CSMD1: variants seen among roughly 807,000 people sequenced by gnomAD.
CSMD1 encodes CUB and sushi domain-containing protein 1.
In CSMD1, 213 loss-of-function variants were observed where a neutral mutation model predicts 417.5. The ratio of observed to expected loss-of-function variants is 0.51; its 90% CI spans 0.46 to 0.57. The LOEUF (loss-of-function observed/expected upper bound fraction) is 0.57, where lower values mean the gene tolerates loss of function less well. Among genes scored for constraint, CSMD1 ranks in the 20% least tolerant of loss-of-function variants. CSMD1 has a pLI of 0.00. For missense variants in CSMD1, 6,923 were observed against 4,529.7 expected (o/e 1.53, Z -15.17); for synonymous variants, 2,862 against 1,736.8 (o/e 1.65, Z -16.11).
chr8:3,008,616 G>C (rs570217278), intron 52 of CSMD1, among the ~76,000 whole-genome samples: 17 of 152,140 alleles, frequency 1.1e-4, no homozygotes, highest in Non-Finnish European at 2.5e-4. Flanking sequence ...GGTTCCTTCA[G>C]AACTCCAGCA....
intron 41 of CSMD1, among the ~76,000 whole-genome samples, chr8:3,126,203 G>A (rs916746400): frequency 1.6e-4 from 24 of 152,102 alleles, no homozygotes; most frequent in African/African-American, 4.8e-4. Context: ...CTATACAAGG[G>A]CCACAGAATT....
intron 2 of CSMD1, among the ~76,000 whole-genome samples, chr8:4,493,738 A>G (rs1166226744): frequency 6.6e-6 from 1 of 152,124 alleles, no homozygotes; most frequent in Non-Finnish European, 1.5e-5. Context: ...CTAATAATTC[A>G]ACATTTAAAA....
chr8:3,505,105 C>T (rs941691729), intron 10 of CSMD1, among the ~76,000 whole-genome samples: 1 of 151,852 alleles, frequency 6.6e-6, no homozygotes, highest in African/African-American at 2.4e-5. Context: ...ATAAAGTAAC[C>T]CAAGCATCAC....
intron 10 of CSMD1, among the ~76,000 whole-genome samples, chr8:3,494,864 C>T (rs987373616): frequency 1.3e-5 from 2 of 152,048 alleles, no homozygotes; most frequent in East Asian, 3.9e-4. Context: ...GTATCAAATG[C>T]CTGTTTGTTA....
chr8:3,420,443 G>C (rs1813414715), intron 12 of CSMD1, among the ~76,000 whole-genome samples: 1 of 150,472 alleles, frequency 6.6e-6, no homozygotes, highest in Non-Finnish European at 1.5e-5. Context: ...AAAAAGCCAT[G>C]GAAATCTGAA....
At chr8:3,677,211 C>T (rs186946534) in intron 7 of CSMD1, among the ~76,000 whole-genome samples, 2 of 152,064 alleles carry the variant, frequency 1.3e-5, no homozygotes, top group African/African-American at 4.8e-5. Context: ...TAGAAATACA[C>T]ACAAGGAAAA....
At chr8:3,532,545 G>C (rs371199487) in intron 10 of CSMD1, among the ~76,000 whole-genome samples, 2 of 152,072 alleles carry the variant, frequency 1.3e-5, no homozygotes, top group Non-Finnish European at 2.9e-5. Flanking sequence ...CCTTATTTGA[G>C]AAATGGACGT....
intron 1 of CSMD1, among the ~76,000 whole-genome samples, chr8:4,711,677 A>T: frequency 6.6e-6 from 1 of 152,168 alleles, no homozygotes; most frequent in East Asian, 1.9e-4. Context: ...AATTTAAAAA[A>T]AAAATCCATT....
At chr8:4,515,689 G>C (rs1803078831) in intron 2 of CSMD1, among the ~76,000 whole-genome samples, 1 of 152,136 alleles carries the variant, frequency 6.6e-6, no homozygotes, top group South Asian at 2.1e-4. Context: ...AGCAAGATGA[G>C]GCTGTCCTGC....
chr8:3,139,539 A>T (rs908242030), intron 41 of CSMD1, among the ~76,000 whole-genome samples: 1 of 152,140 alleles, frequency 6.6e-6, no homozygotes, highest in African/African-American at 2.4e-5. Context: ...TCGATAGAAG[A>T]CCCCATCATG....
At chr8:3,089,287 G>A (rs1351887744) in intron 48 of CSMD1, among the ~76,000 whole-genome samples, 1 of 152,196 alleles carries the variant, frequency 6.6e-6, no homozygotes, top group South Asian at 2.1e-4. Context: ...TGGAATTTCG[G>A]TGTGAATGCC....
intron 5 of CSMD1, among the ~76,000 whole-genome samples, chr8:3,900,980 G>T (rs549359550): frequency 2.6e-5 from 4 of 152,304 alleles, no homozygotes; most frequent in African/African-American, 9.6e-5. Flanking sequence ...GAAACTTTAT[G>T]ATTTTTCATT....
intron 3 of CSMD1, among the ~76,000 whole-genome samples, chr8:4,268,491 T>G (rs1198516423): frequency 6.6e-6 from 1 of 152,176 alleles, no homozygotes; most frequent in Non-Finnish European, 1.5e-5. Context: ...TCTAAGTATT[T>G]TGTAGTATTT....
At chr8:4,698,679 G>C (rs1807297337) in intron 1 of CSMD1, among the ~76,000 whole-genome samples, 1 of 147,996 alleles carries the variant, frequency 6.8e-6, no homozygotes, top group African/African-American at 2.5e-5. Flanking sequence ...GAAGGAAGAA[G>C]CCCTCCTCCC....
intron 2 of CSMD1, among the ~76,000 whole-genome samples, chr8:4,466,786 T>A (rs532009966): frequency 6.6e-6 from 1 of 152,134 alleles, no homozygotes; most frequent in Non-Finnish European, 1.5e-5. Flanking sequence ...TACCACCAAC[T>A]GAAATCCATA....
intron 5 of CSMD1, among the ~76,000 whole-genome samples, chr8:3,763,710 G>C (rs146025633): frequency 2.6e-5 from 4 of 152,226 alleles, no homozygotes; most frequent in East Asian, 1.9e-4. Context: ...GTCATAGTTG[G>C]ATAAACCCTG....
At position 2,973,575 on chromosome 8, in the gene CSMD1, C is replaced by A. The variant is rs148705253; in HGVS notation, c.8741-276G>T. Among the ~76,000 whole-genome samples the A allele has an allele frequency of 3.4e-3, 521 of 151,516 alleles. 2 individuals carry two copies. Among genetic ancestry groups the A allele is most frequent in the Non-Finnish European group, 4.2e-3 (284 of 67,948 alleles). On this transcript the variant is annotated intron_variant, in intron 56 of 69. Coordinates refer to ENST00000635120, the MANE Select transcript of CSMD1 (RefSeq NM_033225.6). Reference sequence around the variant, plus strand: ...CGTTTCCTTTGGAAGGAGGAAAATGCCAGGAATGGTAAATGCATCACGTCT... The same window carrying A: ...CGTTTCCTTTGGAAGGAGGAAAATGACAGGAATGGTAAATGCATCACGTCT...
chr8:4,631,468 G>C (rs951157013), intron 2 of CSMD1, among the ~76,000 whole-genome samples: 1 of 151,422 alleles, frequency 6.6e-6, no homozygotes, highest in African/African-American at 2.4e-5. Context: ...CAACTATGGA[G>C]ACAGAAAAGC....
At position 3,823,564 on chromosome 8, in the gene CSMD1, A is replaced by C. The variant is rs145430483; in HGVS notation, c.819-69522T>G. Among the ~76,000 whole-genome samples the C allele has an allele frequency of 6.0e-4, 91 of 152,298 alleles. No individual in the cohort carries two copies. The East Asian group carries it at 0.017, about 28-fold the overall frequency. On this transcript the variant is annotated intron_variant, in intron 5 of 69. Transcript: ENST00000635120. The stretch of plus-strand genomic sequence containing the variant: ...AACTTAATAAAATAAAAAATTTACA[A>C]TTATAATGCAATGGATACATGTTTG...
Sources: gnomAD v4.1 joint callset for allele counts (sites outside exome capture counted in the v4.1 genomes callset) on GRCh38, gnomAD v4.1.1 for gene constraint, MANE v1.5 for transcripts, NCBI Gene and HGNC (gene_info 2026-07-23, HGNC 2026-07-21) for gene names.